OR3A2: variants seen among roughly 807,000 people sequenced by gnomAD.
The protein encoded by OR3A2 is olfactory receptor 3A2.
For synonymous variants in OR3A2, 126 were observed against 159.3 expected, an observed-to-expected ratio of 0.79 and a Z score of 1.57; for missense variants, 318 against 392.8, an observed-to-expected ratio of 0.81 and a Z score of 1.61.
chr17:3,280,233 AG>A (rs2048768689), intron 1 of OR3A2, among the ~76,000 whole-genome samples: 4 of 151,826 alleles, frequency 2.6e-5, no homozygotes, highest in Admixed American at 2.0e-4. Context: ...GAAATGACGA[AG>A]GCATGTACTT....
chr17:3,316,323 G>C (rs1276290637), intron 3 of OR3A2, among the ~76,000 whole-genome samples: 1 of 152,170 alleles, frequency 6.6e-6, no homozygotes, highest in Non-Finnish European at 1.5e-5. Context: ...ACACATCTGT[G>C]AACTGTTGAG....
At chr17:3,347,906 A>G (rs1465397203) in intron 2 of OR3A2, among the ~76,000 whole-genome samples, 1 of 152,042 alleles carries the variant, frequency 6.6e-6, no homozygotes, top group South Asian at 2.1e-4. Context: ...TCCAGCACCT[A>G]TTGCTTCCTG....
At chr17:3,290,471 G>T (rs2048855424) in intron 3 of OR3A2, among the ~76,000 whole-genome samples, 1 of 151,818 alleles carries the variant, frequency 6.6e-6, no homozygotes, top group African/African-American at 2.4e-5. Context: ...TCCCTCTTTT[G>T]TGTCTTTTCT....
At chr17:3,358,487 A>C (rs1487586213) in intron 2 of OR3A2, among the ~76,000 whole-genome samples, 1 of 151,718 alleles carries the variant, frequency 6.6e-6, no homozygotes, top group Non-Finnish European at 1.5e-5. Flanking sequence ...CTTTGTTCTC[A>C]TTAGTTTCAA....
chr17:3,377,571 T>C (rs1342496989), intron 2 of OR3A2: 1 of 152,164 alleles, frequency 6.6e-6, no homozygotes, highest in East Asian at 1.9e-4. Flanking sequence ...GATGAATGGG[T>C]TTGGCATGGC....
chr17:3,369,358 T>C (rs1230063606), intron 2 of OR3A2, among the ~76,000 whole-genome samples: 2 of 152,206 alleles, frequency 1.3e-5, no homozygotes, highest in African/African-American at 4.8e-5. Flanking sequence ...TTCAGTATAA[T>C]GTTGGCTGTG....
chr17:3,360,699 C>G (rs11598855), intron 2 of OR3A2, among the ~76,000 whole-genome samples: 8 of 151,700 alleles, frequency 5.3e-5, no homozygotes, highest in East Asian at 1.9e-4. Flanking sequence ...GCTTGTTTTT[C>G]TCAGGTTTGT....
exon 2 of OR3A2, chr17:3,278,078 G>C: frequency 6.2e-7 from 1 of 1,614,192 alleles, no homozygotes; most frequent in South Asian, 1.1e-5. Context: ...TAACAGTGTT[G>C]AAAACTCCAA....
chr17:3,364,848 C>G (rs1160808570), intron 2 of OR3A2, among the ~76,000 whole-genome samples: 1 of 151,940 alleles, frequency 6.6e-6, no homozygotes, highest in African/African-American at 2.4e-5. Context: ...ACTAAAGTGC[C>G]CATCAGTGGG....
At chr17:3,368,918 T>C (rs369250975) in intron 2 of OR3A2, among the ~76,000 whole-genome samples, 1 of 152,208 alleles carries the variant, frequency 6.6e-6, no homozygotes, top group East Asian at 1.9e-4. Flanking sequence ...CTTTCAGCAG[T>C]GTTTTGTAGT....
At chr17:3,328,791 C>A (rs2049200830) in intron 3 of OR3A2, among the ~76,000 whole-genome samples, 2 of 140,482 alleles carry the variant, frequency 1.4e-5, no homozygotes, top group Admixed American at 1.4e-4. Flanking sequence ...TTGTCAAAGG[C>A]CTTTTCTGCA....
chr17:3,324,497 C>T (rs1321385400), intron 3 of OR3A2, among the ~76,000 whole-genome samples: 3 of 152,002 alleles, frequency 2.0e-5, no homozygotes, highest in Non-Finnish European at 4.4e-5. Context: ...GTTTAATCTA[C>T]CTTTGGTCTT....
chr17:3,314,830 T>A (rs1019928397), intron 3 of OR3A2, among the ~76,000 whole-genome samples: 2 of 152,236 alleles, frequency 1.3e-5, no homozygotes, highest in Admixed American at 6.5e-5. Context: ...GGCAGTTTTT[T>A]AATCCACACC....
chr17:3,357,963 G>A (rs1468854052), intron 2 of OR3A2, among the ~76,000 whole-genome samples: 1 of 151,512 alleles, frequency 6.6e-6, no homozygotes, highest in Admixed American at 6.6e-5. Flanking sequence ...GATCAGAGTG[G>A]GGGTCAGGTT....
intron 2 of OR3A2, among the ~76,000 whole-genome samples, chr17:3,372,551 C>T (rs1179986564): frequency 6.6e-6 from 1 of 152,018 alleles, no homozygotes; most frequent in Non-Finnish European, 1.5e-5. Flanking sequence ...ACTGAGTGAA[C>T]GAGACTCCGT....
intron 2 of OR3A2, among the ~76,000 whole-genome samples, chr17:3,356,886 A>C (rs1447818261): frequency 6.6e-6 from 1 of 151,702 alleles, no homozygotes; most frequent in Non-Finnish European, 1.5e-5. Context: ...TCTCATGTCA[A>C]TAATTTTTTT....
At chr17:3,324,726 C>G (rs2049156032) in intron 3 of OR3A2, among the ~76,000 whole-genome samples, 1 of 152,154 alleles carries the variant, frequency 6.6e-6, no homozygotes, top group East Asian at 1.9e-4. Flanking sequence ...GAAGTTTTGT[C>G]TCAGAGGAGT....
At chr17:3,290,644 G>T (rs1298043902) in intron 3 of OR3A2, among the ~76,000 whole-genome samples, 1 of 152,190 alleles carries the variant, frequency 6.6e-6, no homozygotes, top group Non-Finnish European at 1.5e-5. Context: ...GTCCTAAATG[G>T]GAAGCTGAAA....
chr17:3,354,029 C>T lies in OR3A2; in HGVS notation c.-178-17903G>A, dbSNP rs114560136. On this transcript the variant is annotated intron_variant, in intron 2 of 4. Coordinates refer to the OR3A2 transcript ENST00000573491. ...ATCTTTGCATCCCTGGGATAAATCT[C>T]ACTTAGTTATGATGAGTAATTTTTT... Among the ~76,000 whole-genome samples, 1,219 of 151,724 alleles carry T rather than the reference C, an allele frequency of 8.0e-3. 13 individuals are homozygous for T. The highest frequency in any genetic ancestry group is 0.028 in the African/African-American group (1,141 of 41,438).
Sources: gnomAD v4.1 joint callset for allele counts (sites outside exome capture counted in the v4.1 genomes callset) on GRCh38, gnomAD v4.1.1 for gene constraint, MANE v1.5 for transcripts, NCBI Gene and HGNC (gene_info 2026-07-23, HGNC 2026-07-21) for gene names.